The following NHLRC2 variants were observed in gnomAD, a reference collection of about 807,000 sequenced individuals.
NHLRC2 encodes NHL repeat containing 2, also known as NHL repeat-containing protein 2.
In NHLRC2, 33 loss-of-function variants were observed where a neutral mutation model predicts 68.1. That is an observed-to-expected ratio of 0.48 (90% CI 0.37 to 0.65). NHLRC2 has a LOEUF of 0.65. NHLRC2 is among the 30% of genes least tolerant of loss of function. NHLRC2 has a pLI of 0.00. For missense variants in NHLRC2, 761 were observed against 853.8 expected (o/e 0.89, Z 1.35); for synonymous variants, 311 against 309.6 (o/e 1.00, Z -0.05).
At position 113,884,168 on chromosome 10, in the gene NHLRC2, T is replaced by G. The variant is rs570610563; in HGVS notation, c.910-83T>G. The G allele has an allele frequency of 3.3e-5, 42 of 1,272,688 alleles. No individual in the cohort carries two copies. The South Asian group carries it at 5.5e-4, about 17-fold the overall frequency. The allele number at this position is 1,272,688 out of a possible 1,614,324, so 78.8% of individuals were successfully genotyped here. A position where few individuals can be genotyped will look rare whatever the true frequency, so the allele number is the denominator to read the frequency against. On this transcript the variant is annotated intron_variant, in intron 4 of 10. Coordinates refer to ENST00000369301, the MANE Select transcript of NHLRC2 (RefSeq NM_198514.4). ...TGCACATACACTCTAAATGTTCTATTGACTATTGAAAATCTTTACACAGCA... is the reference window on the plus strand; with the variant it reads ...TGCACATACACTCTAAATGTTCTATGGACTATTGAAAATCTTTACACAGCA...
At chr10:113,865,006 A>G (rs764412739) in intron 2 of NHLRC2, among the ~76,000 whole-genome samples, 31 of 151,068 alleles carry the variant, frequency 2.1e-4, no homozygotes, top group Non-Finnish European at 3.4e-4. Flanking sequence ...CTGGAGTGCA[A>G]TGGCGCCATC....
intron 9 of NHLRC2, among the ~76,000 whole-genome samples, chr10:113,904,522 T>G (rs1452163462): frequency 6.6e-6 from 1 of 152,218 alleles, no homozygotes; most frequent in Non-Finnish European, 1.5e-5. Context: ...ATATCTAGCA[T>G]GTTTAAATTT....
In NHLRC2 at chr10:113,910,296, G is replaced by C. The variant is rs1287748794; in HGVS notation, c.*1760G>C. On this transcript the variant is annotated 3_prime_UTR_variant, in exon 11 of 11. Transcript: ENST00000369301. ...GCTCACTGCAACCTCTACCTCCTGG[G>C]TTCAAGAGATTTTCCTGCCTCAGCC... 1 of 152,266 alleles carries C rather than the reference G, an allele frequency of 6.6e-6. No homozygotes were observed. The highest frequency in any genetic ancestry group is 1.5e-5 in the Non-Finnish European group (1 of 68,112). 9.4% of individuals were successfully genotyped at this position (152,266 alleles called of 1,614,324 possible). A position where few individuals can be genotyped will look rare whatever the true frequency, so the allele number is the denominator to read the frequency against.
At chr10:113,891,726 A>G (rs1001460616) in intron 5 of NHLRC2, among the ~76,000 whole-genome samples, 2 of 152,282 alleles carry the variant, frequency 1.3e-5, no homozygotes, top group African/African-American at 2.4e-5. Flanking sequence ...CAGCCGTCCC[A>G]GGGATAGACT....
chr10:113,903,500 T>C, intron 8 of NHLRC2, 27 bp from the exon 9 acceptor site: 11 of 1,376,646 alleles, frequency 8.0e-6, no homozygotes, highest in Admixed American at 1.8e-5. Context: ...TCTTCAGTTA[T>C]ATAAGTTTTT....
chr10:113,906,785 C>T (rs954325215), intron 10 of NHLRC2, among the ~76,000 whole-genome samples: 2 of 152,112 alleles, frequency 1.3e-5, no homozygotes, highest in East Asian at 1.9e-4. Context: ...GTCAGGAGAT[C>T]GAGACCATCC....
At position 113,891,043 on chromosome 10, in the gene NHLRC2, C is replaced by T. The variant is rs189694873; in HGVS notation, c.1039+6663C>T. On this transcript the variant is annotated intron_variant, in intron 5 of 10. Transcript: ENST00000369301. Reference sequence around the variant, plus strand: ...CAAGAGGGAAACTACCCCCATGATCCAATCACTTTCCACCAGGTCCCTCCC... The same window carrying T: ...CAAGAGGGAAACTACCCCCATGATCTAATCACTTTCCACCAGGTCCCTCCC... 4.3e-4 allele frequency among the ~76,000 whole-genome samples: 66 copies of T among 152,260 alleles called. 1 individual carries two copies. Among genetic ancestry groups the T allele is most frequent in the African/African-American group, 1.5e-3 (63 of 41,548 alleles).
chr10:113,900,363 G>A (rs1159967323), intron 6 of NHLRC2, among the ~76,000 whole-genome samples: 2 of 152,150 alleles, frequency 1.3e-5, no homozygotes, highest in Non-Finnish European at 2.9e-5. Flanking sequence ...ATTATAAACA[G>A]CAGAGAAGTA....
chr10:113,881,169 A>G (rs1428790515), intron 4 of NHLRC2, among the ~76,000 whole-genome samples: 2 of 151,860 alleles, frequency 1.3e-5, no homozygotes, highest in Admixed American at 1.3e-4. Context: ...TAGACCTCTA[A>G]TGGTGTATTG....
In NHLRC2 at chr10:113,908,296, T is replaced by G. The variant is rs1459188310; in HGVS notation, c.1941T>G (p.Leu647=). 6.2e-7 allele frequency: 1 copy of G among 1,613,560 alleles called. No homozygotes were observed. Among genetic ancestry groups the G allele is most frequent in the Non-Finnish European group, 8.5e-7 (1 of 1,179,474 alleles). ...FLTAEGNEWL[L]QGQIAAGDIE... ...GATTTTTAGGCAATGAATGGCTACT[T>G]CAAGGACAGATAGCAGCTGGAGATA... Residue 647 remains leucine, a synonymous_variant, in exon 11 of 11, where the codon CTT becomes CTG. Transcript: ENST00000369301.
intron 4 of NHLRC2, among the ~76,000 whole-genome samples, chr10:113,881,845 C>T (rs555989375): frequency 4.9e-4 from 74 of 151,926 alleles, no homozygotes; most frequent in African/African-American, 1.7e-3. Flanking sequence ...CACATGACCA[C>T]TTACAGATAG....
chr10:113,866,680 A>T (rs1037368358), intron 2 of NHLRC2, among the ~76,000 whole-genome samples: 1 of 152,076 alleles, frequency 6.6e-6, no homozygotes, highest in Non-Finnish European at 1.5e-5. Flanking sequence ...ATAAGCCTTT[A>T]AATAAGTCTA....
intron 6 of NHLRC2, among the ~76,000 whole-genome samples, chr10:113,900,872 TAC>T (rs1334885942): frequency 6.6e-6 from 1 of 152,174 alleles, no homozygotes; most frequent in East Asian, 1.9e-4. Context: ...AGAAATGATT[TAC>T]ACAGACTCTC....
At chr10:113,866,447 A>G (rs1845868542) in intron 2 of NHLRC2, among the ~76,000 whole-genome samples, 1 of 152,168 alleles carries the variant, frequency 6.6e-6, no homozygotes, top group Non-Finnish European at 1.5e-5. Context: ...CTATTATCTA[A>G]GGAAAAGCAC....
intron 6 of NHLRC2, 142 bp from the exon 7 acceptor site, chr10:113,901,524 A>AT: frequency 1.6e-6 from 1 of 631,766 alleles, no homozygotes; most frequent in Admixed American, 2.9e-5. Flanking sequence ...GACTTGAACA[A>AT]TTTAACTAGA....
intron 2 of NHLRC2, among the ~76,000 whole-genome samples, chr10:113,860,340 T>G (rs1212405946): frequency 6.6e-6 from 1 of 152,182 alleles, no homozygotes; most frequent in African/African-American, 2.4e-5. Flanking sequence ...AATGGATCCT[T>G]ATAATCTCCT....
rs976151802 is a variant in NHLRC2, at chr10:113,916,291, C to T, written c.*7755C>T. The T allele has an allele frequency of 1.3e-5, 2 of 152,198 alleles. No individual in the cohort carries two copies. The highest frequency in any genetic ancestry group is 2.4e-5 in the African/African-American group (1 of 41,446). 9.4% of individuals were successfully genotyped at this position (152,198 alleles called of 1,614,324 possible). A position where few individuals can be genotyped will look rare whatever the true frequency, so the allele number is the denominator to read the frequency against. ...TATACCTGTAAAAAATAAACTACTG[C>T]TTCCTCTCCACAGCTTAGGCCTCCC... On this transcript the variant is annotated 3_prime_UTR_variant, in exon 11 of 11. Transcript: ENST00000369301.
At chr10:113,891,915 T>C (rs1268362558) in intron 5 of NHLRC2, among the ~76,000 whole-genome samples, 1 of 152,268 alleles carries the variant, frequency 6.6e-6, no homozygotes, top group East Asian at 1.9e-4. Flanking sequence ...CTGTGATTGG[T>C]TTGGGGAGCC....
chr10:113,874,255 G>A (rs1845957600), intron 2 of NHLRC2, among the ~76,000 whole-genome samples: 1 of 152,082 alleles, frequency 6.6e-6, no homozygotes, highest in Admixed American at 6.6e-5. Context: ...TAATCCACCT[G>A]ACTTATAAGG....
Sources: gnomAD v4.1 joint callset for allele counts (sites outside exome capture counted in the v4.1 genomes callset) on GRCh38, gnomAD v4.1.1 for gene constraint, MANE v1.5 for transcripts, NCBI Gene and HGNC (gene_info 2026-07-23, HGNC 2026-07-21) for gene names.